The following FBXO33 variants were observed in gnomAD, a reference collection of about 807,000 sequenced individuals.
The protein encoded by FBXO33 is F-box only protein 33.
Under a neutral mutation model 46.3 loss-of-function variants are expected in FBXO33, and 22 were observed. The observed-to-expected ratio is 0.48, with a 90% CI of 0.34 to 0.68. The LOEUF is 0.68. Ranked by LOEUF, FBXO33 falls within the 30% of genes least tolerant of loss-of-function variation. FBXO33 has a pLI of 0.01. For missense variants in FBXO33, 692 were observed against 708.8 expected (o/e 0.98, Z 0.27); for synonymous variants, 337 against 291.3 (o/e 1.16, Z -1.60).
At chr14:39,428,003 T>C (rs1480295627) in intron 1 of FBXO33, among the ~76,000 whole-genome samples, 1 of 152,168 alleles carries the variant, frequency 6.6e-6, no homozygotes, top group Non-Finnish European at 1.5e-5. Flanking sequence ...AAAGGTAAGA[T>C]TCTCCTTCAC....
At chr14:39,403,616 CAT>C (rs1253486194) in intron 1 of FBXO33, among the ~76,000 whole-genome samples, 3 of 152,134 alleles carry the variant, frequency 2.0e-5, no homozygotes, top group African/African-American at 7.2e-5. Context: ...AGCTACAAAA[CAT>C]ATAGTTTTCT....
chr14:39,428,338 T>A (rs930658139), intron 1 of FBXO33, among the ~76,000 whole-genome samples: 5 of 152,104 alleles, frequency 3.3e-5, no homozygotes, highest in Non-Finnish European at 7.4e-5. Flanking sequence ...CCTGAGTAGC[T>A]GGGATTACAG....
chr14:39,431,959 A>G lies in FBXO33; in HGVS notation c.204T>C (p.Ala68=). 1 of 1,528,554 alleles carries G rather than the reference A, an allele frequency of 6.5e-7. No individual in the cohort carries two copies. The highest frequency in any genetic ancestry group is 1.2e-5 in the South Asian group (1 of 83,558). The allele number at this position is 1,528,554 out of a possible 1,614,324, so 94.7% of individuals were successfully genotyped here. Residue 68 remains alanine, a synonymous_variant, in exon 1 of 4, where the codon GCT becomes GCC. Coordinates refer to ENST00000298097, the MANE Select transcript of FBXO33 (RefSeq NM_203301.4). ...CGATCAGCTCGCTGGGCAGCGACGC[A>G]GCGCCCGCCGCCTGCCCGCACAGAG... ...RMALCGQAAG[A]ASLPSELIVH...
chr14:39,410,017 TTTTA>T (rs910078316), intron 1 of FBXO33, among the ~76,000 whole-genome samples: 3 of 152,178 alleles, frequency 2.0e-5, no homozygotes, highest in African/African-American at 7.2e-5. Flanking sequence ...ATTTGGATGC[TTTTA>T]TTTTTCTTCC....
intron 1 of FBXO33, among the ~76,000 whole-genome samples, chr14:39,408,364 G>A (rs938421754): frequency 3.3e-5 from 5 of 152,078 alleles, no homozygotes; most frequent in African/African-American, 1.2e-4. Flanking sequence ...GAGGCCATTT[G>A]TATGTCTTCT....
chr14:39,407,903 C>A (rs919848381), intron 1 of FBXO33, among the ~76,000 whole-genome samples: 1 of 152,168 alleles, frequency 6.6e-6, no homozygotes, highest in African/African-American at 2.4e-5. Flanking sequence ...TACATTCCCA[C>A]AAACAGTTGT....
In FBXO33 at chr14:39,401,786, T is replaced by C. The variant is rs2075369971; in HGVS notation, c.786A>G (p.Glu262=). Residue 262 remains glutamate, a synonymous_variant, in exon 3 of 4, where the codon GAA becomes GAG. Coordinates refer to ENST00000298097, the MANE Select transcript of FBXO33 (RefSeq NM_203301.4). Reference sequence around the variant, plus strand: ...ATGACAGTGATGTTGGGGTTACTATTTCCAGCATAAACCCACAGGACAGCC... The same window carrying C: ...ATGACAGTGATGTTGGGGTTACTATCTCCAGCATAAACCCACAGGACAGCC... ...LKWLSCGFML[E]IVTPTSLSSL... is the part of the protein sequence containing the mutation. The C allele has an allele frequency of 3.7e-6, 6 of 1,614,196 alleles. No individual in the cohort carries two copies. The Middle Eastern group carries it at 8.2e-4, about 222-fold the overall frequency.
chr14:39,404,259 G>A (rs1451118784), intron 1 of FBXO33, among the ~76,000 whole-genome samples: 1 of 152,198 alleles, frequency 6.6e-6, no homozygotes, highest in Non-Finnish European at 1.5e-5. Context: ...AGTACATGGT[G>A]CTACATATCA....
At chr14:39,424,335 C>A (rs997202049) in intron 1 of FBXO33, among the ~76,000 whole-genome samples, 101 of 152,264 alleles carry the variant, frequency 6.6e-4, no homozygotes, top group African/African-American at 2.3e-3. Context: ...CATATATTAC[C>A]AACTGAGATA....
At chr14:39,407,238 CT>C (rs1190525018) in intron 1 of FBXO33, among the ~76,000 whole-genome samples, 2 of 152,138 alleles carry the variant, frequency 1.3e-5, no homozygotes, top group Non-Finnish European at 2.9e-5. Flanking sequence ...ACACTGAAAA[CT>C]ACAAAACATT....
At chr14:39,400,761 A>G (rs1328917894) in intron 3 of FBXO33, among the ~76,000 whole-genome samples, 3 of 152,242 alleles carry the variant, frequency 2.0e-5, no homozygotes, top group Admixed American at 6.5e-5. Context: ...AAAAAATTAT[A>G]TACATTAATA....
At position 39,414,134 on chromosome 14, in the gene FBXO33, C is replaced by T. The variant is rs145834343; in HGVS notation, c.600-11623G>A. On this transcript the variant is annotated intron_variant, in intron 1 of 3. Coordinates refer to ENST00000298097, the MANE Select transcript of FBXO33 (RefSeq NM_203301.4). ...TGAAAAATCTGTTGTTTACTGTAAC[C>T]ACATTCATCAATGACCTTAACTAGA... Among the ~76,000 whole-genome samples, 757 of 152,326 alleles carry T rather than the reference C, an allele frequency of 5.0e-3. 5 individuals are homozygous for T. Among genetic ancestry groups the T allele is most frequent in the African/African-American group, 0.018 (733 of 41,578 alleles).
At chr14:39,404,521 T>C (rs1024593113) in intron 1 of FBXO33, among the ~76,000 whole-genome samples, 1 of 151,920 alleles carries the variant, frequency 6.6e-6, no homozygotes, top group African/African-American at 2.4e-5. Flanking sequence ...AGAGATGGGG[T>C]TTCACCGTGT....
chr14:39,411,346 C>T (rs2075421463), intron 1 of FBXO33, among the ~76,000 whole-genome samples: 1 of 152,198 alleles, frequency 6.6e-6, no homozygotes, highest in Middle Eastern at 3.4e-3. Context: ...TATGCCTCGG[C>T]CTCCCAAAAT....
chr14:39,429,183 G>A (rs965982946), intron 1 of FBXO33, among the ~76,000 whole-genome samples: 4 of 151,990 alleles, frequency 2.6e-5, no homozygotes, highest in Admixed American at 6.6e-5. Flanking sequence ...TTTTCCTGAG[G>A]GACATGAAAA....
In FBXO33 at chr14:39,399,700, A is replaced by T; in HGVS notation, c.1484T>A (p.Ile495Asn). The change falls in exon 4 of 4, where the codon ATT becomes AAT. Residue 495 changes from isoleucine to asparagine, a missense_variant. Physicochemically the swap from Ile to Asn is moderately radical, Grantham distance 149. Around this residue, in one of 3 missense-constraint regions of FBXO33, gnomAD observed 94 missense variants for 91.9 expected, o/e 1.02. Coordinates refer to ENST00000298097, the MANE Select transcript of FBXO33 (RefSeq NM_203301.4). ...LKVLEVTEES[I>N]DFDQGELADQ... ...GGCCAGTTCACCTTGGTCAAAATCA[A>T]TGCTTTCTTCGGTGACTTCAAGCAC... is the stretch of plus-strand genomic sequence containing the variant. 6.2e-7 allele frequency: 1 copy of T among 1,614,078 alleles called. No homozygotes were observed. Among genetic ancestry groups the T allele is most frequent in the Non-Finnish European group, 8.5e-7 (1 of 1,179,986 alleles).
chr14:39,428,246 C>T (rs775927646), intron 1 of FBXO33, among the ~76,000 whole-genome samples: 1 of 152,064 alleles, frequency 6.6e-6, no homozygotes, highest in Non-Finnish European at 1.5e-5. Flanking sequence ...GGCTCTGTCA[C>T]CCAGGATGGA....
intron 1 of FBXO33, among the ~76,000 whole-genome samples, chr14:39,414,305 C>G (rs180981645): frequency 6.6e-6 from 1 of 152,336 alleles, no homozygotes. Flanking sequence ...CCTTCACAGA[C>G]TTGAAGAGCA....
At chr14:39,411,724 T>C (rs896419906) in intron 1 of FBXO33, among the ~76,000 whole-genome samples, 7 of 152,124 alleles carry the variant, frequency 4.6e-5, no homozygotes, top group African/African-American at 1.4e-4. Flanking sequence ...GGTTTCACAA[T>C]GTTGGTCAGG....
Sources: allele counts gnomAD v4.1 joint callset (sites outside exome capture counted in the v4.1 genomes callset), GRCh38; gene constraint gnomAD v4.1.1; regional missense constraint gnomAD v4.1.1; transcripts MANE v1.5; gene names NCBI Gene and HGNC (gene_info 2026-07-23, HGNC 2026-07-21).